Variants in DAG1 observed in about 807,000 individuals in gnomAD.
DAG1 encodes the protein dystroglycan 1.
In DAG1, 8 loss-of-function variants were observed where a neutral mutation model predicts 46.1. The ratio of observed to expected loss-of-function variants is 0.17; its 90% CI spans 0.10 to 0.31. DAG1 has a LOEUF of 0.31. Among genes scored for constraint, DAG1 ranks in the 10% least tolerant of loss-of-function variants. DAG1 has a pLI of 1.00. For synonymous variants in DAG1, 495 were observed against 481.8 expected, an observed-to-expected ratio of 1.03 and a Z score of -0.36; for missense variants, 1,003 against 1,189.9, an observed-to-expected ratio of 0.84 and a Z score of 2.31.
chr3:49,512,374 T>A (rs1393231672), intron 2 of DAG1, among the ~76,000 whole-genome samples: 2 of 151,948 alleles, frequency 1.3e-5, no homozygotes, highest in Admixed American at 6.6e-5. Flanking sequence ...AGCTAATTTT[T>A]AAATTTTAAT....
intron 1 of DAG1, among the ~76,000 whole-genome samples, chr3:49,493,536 A>G (rs2050240533): frequency 6.6e-6 from 1 of 152,164 alleles, no homozygotes. Flanking sequence ...CTGGGTGTAA[A>G]TTCTGTGTGG....
intron 1 of DAG1, among the ~76,000 whole-genome samples, chr3:49,500,301 C>T (rs980149638): frequency 3.3e-5 from 5 of 152,162 alleles, no homozygotes; most frequent in African/African-American, 1.2e-4. Context: ...TGAGCCACTG[C>T]ACCTACCTGG....
Position 49,532,777 on chromosome 3 carries a change from C to G in DAG1, c.2266C>G (p.Pro756Ala), listed in dbSNP as rs1210476700. ...EDDVYLHTVI[P>A]AVVVAAILLI... ...TGATGTCTACCTGCACACAGTCATT[C>G]CGGCCGTGGTGGTCGCAGCCATCCT... The change falls in exon 3 of 3, where the codon CCG becomes GCG. Residue 756 changes from proline (P) to alanine (A), a missense_variant. Pro to Ala is a conservative substitution (Grantham distance 27). Coordinates refer to ENST00000308775, the MANE Select transcript of DAG1 (RefSeq NM_004393.6). The surrounding 1 kb of genome is among the most constrained non-coding windows in gnomAD (Gnocchi z 5.4). 6.2e-7 allele frequency: 1 copy of G among 1,614,090 alleles called. No individual in the cohort carries two copies.
intron 2 of DAG1, among the ~76,000 whole-genome samples, chr3:49,523,125 C>T (rs1224431054): frequency 6.6e-6 from 1 of 152,166 alleles, no homozygotes; most frequent in Admixed American, 6.5e-5. Flanking sequence ...GCCTGGCAGC[C>T]CTTAGAGGAT....
chr3:49,491,570 G>T (rs1394099131), intron 1 of DAG1, among the ~76,000 whole-genome samples: 1 of 150,576 alleles, frequency 6.6e-6, no homozygotes, highest in East Asian at 2.0e-4. Context: ...TCTGCCTCCC[G>T]GGTTCACGCC....
At chr3:49,496,713 A>G (rs995936578) in intron 1 of DAG1, among the ~76,000 whole-genome samples, 1 of 142,812 alleles carries the variant, frequency 7.0e-6, no homozygotes, top group Non-Finnish European at 1.5e-5. Context: ...TGCAACCTCT[A>G]CCTCCCAAGT....
chr3:49,499,924 A>G (rs2050400966), intron 1 of DAG1, among the ~76,000 whole-genome samples: 1 of 152,080 alleles, frequency 6.6e-6, no homozygotes, highest in African/African-American at 2.4e-5. Flanking sequence ...TTTTGGCTAC[A>G]AAGGTCACTA....
intron 1 of DAG1, among the ~76,000 whole-genome samples, chr3:49,493,735 C>A (rs1308312918): frequency 1.3e-5 from 2 of 152,196 alleles, no homozygotes; most frequent in Non-Finnish European, 2.9e-5. Context: ...GCTAGTGGGG[C>A]CTAGCCCAGG....
chr3:49,510,386 T>C (rs931733911), intron 1 of DAG1, 33 bp from the exon 2 acceptor site: 4 of 777,414 alleles, frequency 5.1e-6, no homozygotes, highest in African/African-American at 5.1e-5. Context: ...CTGGAATTGC[T>C]CAAGTCTAAA....
At chr3:49,473,529 A>G (rs2049588455) in intron 1 of DAG1, among the ~76,000 whole-genome samples, 1 of 151,830 alleles carries the variant, frequency 6.6e-6, no homozygotes, top group Non-Finnish European at 1.5e-5. Context: ...GTGAGAGACA[A>G]TGTGTGTTCA....
Position 49,472,448 on chromosome 3 carries a change from G to A in DAG1, c.-117+2015G>A, listed in dbSNP as rs1351061389. Among the ~76,000 whole-genome samples the A allele has an allele frequency of 1.3e-5, 2 of 152,070 alleles. 1 individual carries two copies. Among genetic ancestry groups the A allele is most frequent in the South Asian group, 4.1e-4 (2 of 4,830 alleles). On this transcript the variant is annotated intron_variant, in intron 1 of 2. Coordinates refer to ENST00000308775, the MANE Select transcript of DAG1 (RefSeq NM_004393.6). ...AGTGTTGAGGATGGTGGGATTTGGA[G>A]GGACCACTTAGGGACCACTTAGACT... is the stretch of plus-strand genomic sequence containing the variant.
In DAG1 at chr3:49,531,445, A is replaced by G; in HGVS notation, c.934A>G (p.Arg312Gly). ...KKPPLPKRVR[R>G]QIHATPTPVT... Reference sequence around the variant, plus strand: ...GCCCCCTCTTCCCAAACGCGTCCGGAGGCAGATCCATGCTACACCCACACC... The same window carrying G: ...GCCCCCTCTTCCCAAACGCGTCCGGGGGCAGATCCATGCTACACCCACACC... The change falls in exon 3 of 3, where the codon AGG becomes GGG. Residue 312 changes from arginine to glycine, a missense_variant. By Grantham distance (125) the Arg-to-Gly change is moderately radical. This residue lies in a region of DAG1 where 755 missense variants were observed against 854.1 expected (regional missense o/e 0.88). Transcript: ENST00000308775. This position sits in a 1 kb window ranked among gnomAD's most constrained non-coding sequence, Gnocchi z 7.0. The G allele has an allele frequency of 6.2e-7, 1 of 1,613,772 alleles. No homozygotes were observed. Among genetic ancestry groups the G allele is most frequent in the Non-Finnish European group, 8.5e-7 (1 of 1,179,964 alleles).
chr3:49,505,757 C>A (rs562183886), intron 1 of DAG1, among the ~76,000 whole-genome samples: 1 of 152,106 alleles, frequency 6.6e-6, no homozygotes, highest in African/African-American at 2.4e-5. Context: ...CCGCAACCTC[C>A]ACCTCCCAGG....
At chr3:49,476,204 G>C (rs1032730372) in intron 1 of DAG1, among the ~76,000 whole-genome samples, 5 of 152,148 alleles carry the variant, frequency 3.3e-5, no homozygotes, top group African/African-American at 1.2e-4. Flanking sequence ...TTAAAAGCAG[G>C]ATTCTACTGG....
rs527867946 is a variant in DAG1 at position 49,532,046 on chromosome 3, C to T, written c.1535C>T (p.Thr512Ile). Residue 512 changes from threonine to isoleucine, a missense_variant, in exon 3 of 3, where the codon ACC becomes ATC. Coordinates refer to ENST00000308775, the MANE Select transcript of DAG1 (RefSeq NM_004393.6). This position sits in a 1 kb window ranked among gnomAD's most constrained non-coding sequence, Gnocchi z 5.4. The part of the protein sequence containing the change: ...HIDRVDAWVG[T>I]YFEVKIPSDT... ...GACAGGGTAGATGCCTGGGTTGGCA[C>T]CTACTTTGAGGTGAAGATCCCGTCA... 34 of 1,614,198 alleles carry T rather than the reference C, an allele frequency of 2.1e-5. No homozygotes were observed. In the East Asian group the frequency reaches 6.7e-4, roughly 32 times the overall value.
chr3:49,472,636 T>G (rs1042911983), intron 1 of DAG1, among the ~76,000 whole-genome samples: 1 of 151,832 alleles, frequency 6.6e-6, no homozygotes, highest in African/African-American at 2.4e-5. Flanking sequence ...TGAAACCCCC[T>G]CTCTACTAAA....
intron 2 of DAG1, among the ~76,000 whole-genome samples, chr3:49,519,662 G>T (rs3870337): frequency 0.44 from 66,620 of 151,940 alleles, 15,906 homozygotes; most frequent in East Asian, 0.93. Flanking sequence ...GCATCCTTGG[G>T]GGTGGGCTGT....
At chr3:49,515,016 C>T (rs1203514928) in intron 2 of DAG1, among the ~76,000 whole-genome samples, 1 of 152,240 alleles carries the variant, frequency 6.6e-6, no homozygotes, top group Non-Finnish European at 1.5e-5. Context: ...TGCGCCACCA[C>T]ACCCGGCTAG....
chr3:49,528,755 T>C (rs539412883), intron 2 of DAG1, among the ~76,000 whole-genome samples: 10 of 152,142 alleles, frequency 6.6e-5, no homozygotes, highest in Admixed American at 1.3e-4. Context: ...TTAGAGTTGA[T>C]GCAATGTGGT....
Sources: gnomAD v4.1 joint callset for allele counts (sites outside exome capture counted in the v4.1 genomes callset) on GRCh38, gnomAD v4.1.1 for gene constraint, gnomAD v4.1.1 regional missense constraint, Gnocchi (gnomAD v3.1) non-coding constraint, MANE v1.5 for transcripts, NCBI Gene and HGNC (gene_info 2026-07-23, HGNC 2026-07-21) for gene names.